FCHSD2: variants seen among roughly 807,000 people sequenced by gnomAD.
FCHSD2 encodes FCH and double SH3 domains 2.
Under a neutral mutation model 108.1 loss-of-function variants are expected in FCHSD2, and 38 were observed. The ratio of observed to expected loss-of-function variants is 0.35; its 90% CI spans 0.27 to 0.46. The LOEUF (loss-of-function observed/expected upper bound fraction) is 0.46, where lower values mean the gene tolerates loss of function less well. Ranked by LOEUF, FCHSD2 falls within the 20% of genes least tolerant of loss-of-function variation. The probability of loss-of-function intolerance (pLI) is 1.00; values close to 1 mark genes in which losing one functional copy is unlikely to be tolerated. For synonymous variants in FCHSD2, 279 were observed against 314.7 expected, an observed-to-expected ratio of 0.89 and a Z score of 1.20; for missense variants, 751 against 897.8, an observed-to-expected ratio of 0.84 and a Z score of 2.09.
At chr11:72,906,817 G>A (rs968101019) in intron 9 of FCHSD2, among the ~76,000 whole-genome samples, 2 of 152,178 alleles carry the variant, frequency 1.3e-5, no homozygotes, top group Non-Finnish European at 2.9e-5. Context: ...TGCTGTTTTG[G>A]TTACTGTAGC....
intron 8 of FCHSD2, among the ~76,000 whole-genome samples, chr11:72,958,989 A>G (rs970708906): frequency 2.2e-5 from 1 of 46,350 alleles, no homozygotes; most frequent in African/African-American, 4.8e-5. Flanking sequence ...CTCATCAGTA[A>G]GATATGTGTG....
intron 2 of FCHSD2, among the ~76,000 whole-genome samples, chr11:73,087,335 GT>G (rs897527224): frequency 4.3e-4 from 65 of 149,720 alleles, no homozygotes; most frequent in Middle Eastern, 3.5e-3. Context: ...AGTCAAAAAA[GT>G]TTTTTTTTTA....
chr11:72,953,943 A>T (rs2135361291), intron 8 of FCHSD2, among the ~76,000 whole-genome samples: 1 of 152,310 alleles, frequency 6.6e-6, no homozygotes, highest in Admixed American at 6.5e-5. Flanking sequence ...GGGAAGGGAT[A>T]GTAGATGACC....
intron 14 of FCHSD2, among the ~76,000 whole-genome samples, chr11:72,848,394 C>T (rs1158200924): frequency 6.6e-6 from 1 of 152,222 alleles, no homozygotes; most frequent in African/African-American, 2.4e-5. Flanking sequence ...TCCCTACCTT[C>T]TCACTGCATC....
At chr11:72,894,852 T>C (rs1855386743) in intron 10 of FCHSD2, among the ~76,000 whole-genome samples, 2 of 152,220 alleles carry the variant, frequency 1.3e-5, no homozygotes, top group East Asian at 3.8e-4. Context: ...TTCATATGTT[T>C]CACTGCAAAA....
intron 3 of FCHSD2, among the ~76,000 whole-genome samples, chr11:73,065,699 T>C (rs1293220976): frequency 2.0e-5 from 3 of 152,160 alleles, no homozygotes; most frequent in Non-Finnish European, 1.5e-5. Context: ...ATCATAAGCA[T>C]TCCTATACAT....
At position 73,010,531 on chromosome 11, in the gene FCHSD2, A is replaced by T. The variant is rs539532537; in HGVS notation, c.242+5278T>A. Among the ~76,000 whole-genome samples the T allele has an allele frequency of 1.2e-4, 18 of 152,188 alleles. 1 individual carries two copies. The South Asian group carries it at 3.1e-3, about 26-fold the overall frequency. ...ATAGTCACTTCTTCCAGTTTTTTGA[A>T]TTTGCTTCTGTAGGGAATGTTTTCC... On this transcript the variant is annotated intron_variant, in intron 4 of 19. Coordinates refer to ENST00000409418, the MANE Select transcript of FCHSD2 (RefSeq NM_014824.3).
intron 12 of FCHSD2, among the ~76,000 whole-genome samples, chr11:72,879,467 A>G (rs1855034890): frequency 6.6e-6 from 1 of 152,222 alleles, no homozygotes; most frequent in African/African-American, 2.4e-5. Context: ...GAAATGACAG[A>G]GATGATGGAA....
intron 8 of FCHSD2, among the ~76,000 whole-genome samples, chr11:72,942,090 G>A (rs1856430917): frequency 6.6e-6 from 1 of 152,192 alleles, no homozygotes; most frequent in South Asian, 2.1e-4. Context: ...TTGGAGGTGG[G>A]CCTAGCAGGG....
intron 8 of FCHSD2, among the ~76,000 whole-genome samples, chr11:72,955,227 G>T (rs1007205746): frequency 6.6e-6 from 1 of 152,152 alleles, no homozygotes; most frequent in African/African-American, 2.4e-5. Flanking sequence ...CTTTCTTAGG[G>T]TCGATTAGTT....
intron 3 of FCHSD2, among the ~76,000 whole-genome samples, chr11:73,017,096 A>G (rs527636874): frequency 1.3e-5 from 2 of 151,928 alleles, no homozygotes; most frequent in East Asian, 3.9e-4. Flanking sequence ...AATCCTCCCA[A>G]CTCAGCCTCC....
At chr11:73,077,509 T>A (rs1156519458) in intron 3 of FCHSD2, 1 of 330,834 alleles carries the variant, frequency 3.0e-6, no homozygotes, top group East Asian at 8.8e-5. Context: ...AAGTTAAAAA[T>A]GATTCAGCCA....
chr11:72,951,481 C>T (rs144393014), intron 8 of FCHSD2, among the ~76,000 whole-genome samples: 42 of 152,316 alleles, frequency 2.8e-4, no homozygotes, highest in Admixed American at 1.8e-3. Context: ...TACTACAAGG[C>T]TTGGCATTTA....
intron 8 of FCHSD2, among the ~76,000 whole-genome samples, chr11:72,956,171 C>T (rs1385448914): frequency 6.6e-6 from 1 of 152,102 alleles, no homozygotes; most frequent in African/African-American, 2.4e-5. Context: ...AATTTCAATC[C>T]ATTGAATAAA....
At chr11:73,002,308 T>C (rs1392586712) in intron 4 of FCHSD2, among the ~76,000 whole-genome samples, 1 of 152,212 alleles carries the variant, frequency 6.6e-6, no homozygotes, top group Non-Finnish European at 1.5e-5. Flanking sequence ...TAGATGGAAA[T>C]AGTCATTATT....
At chr11:72,934,331 C>CTT (rs1235013217) in intron 8 of FCHSD2, among the ~76,000 whole-genome samples, 6 of 133,076 alleles carry the variant, frequency 4.5e-5, no homozygotes, top group African/African-American at 8.3e-5. Flanking sequence ...AGAGCCATGC[C>CTT]TTTTTTTTTT....
At chr11:72,849,508 G>A (rs960926335) in intron 14 of FCHSD2, among the ~76,000 whole-genome samples, 6 of 152,180 alleles carry the variant, frequency 3.9e-5, no homozygotes, top group African/African-American at 1.4e-4. Flanking sequence ...TATTTGAGCT[G>A]AGCTTCAATG....
At chr11:72,918,044 A>G (rs1358572991) in intron 9 of FCHSD2, among the ~76,000 whole-genome samples, 1 of 152,154 alleles carries the variant, frequency 6.6e-6, no homozygotes, top group Non-Finnish European at 1.5e-5. Flanking sequence ...CATTTATTAT[A>G]TGCATTTATT....
At chr11:73,052,545 C>A (rs1265982448) in intron 3 of FCHSD2, among the ~76,000 whole-genome samples, 1 of 152,094 alleles carries the variant, frequency 6.6e-6, no homozygotes, top group Non-Finnish European at 1.5e-5. Context: ...ACTAATTGTA[C>A]ACTACTGTTA....
Sources: gnomAD v4.1 joint callset for allele counts (sites outside exome capture counted in the v4.1 genomes callset) on GRCh38, gnomAD v4.1.1 for gene constraint, MANE v1.5 for transcripts, NCBI Gene and HGNC (gene_info 2026-07-23, HGNC 2026-07-21) for gene names.